The following UNC5D variants were observed in gnomAD, a reference collection of about 807,000 sequenced individuals.
UNC5D encodes unc-5 netrin receptor D.
UNC5D carries 39 observed loss-of-function variants against 105.4 expected under a neutral mutation model. That is an observed-to-expected ratio of 0.37 (90% CI 0.29 to 0.48). UNC5D has a LOEUF of 0.48. UNC5D is among the 20% of genes least tolerant of loss of function. UNC5D has a pLI of 0.98. For synonymous variants in UNC5D, 452 were observed against 450.4 expected (o/e 1.00, Z -0.04); for missense variants, 991 against 1,202.4 (o/e 0.82, Z 2.60).
intron 14 of UNC5D, among the ~76,000 whole-genome samples, chr8:35,760,061 A>G (rs1404974511): frequency 1.4e-5 from 2 of 146,192 alleles, no homozygotes; most frequent in Non-Finnish European, 3.0e-5. Flanking sequence ...TTTTTTTAAG[A>G]TGGAGTCTGT....
At chr8:35,719,539 G>A (rs904599602) in intron 8 of UNC5D, among the ~76,000 whole-genome samples, 3 of 152,110 alleles carry the variant, frequency 2.0e-5, no homozygotes, top group Admixed American at 6.5e-5. Context: ...TTGAGGACTC[G>A]TGTATACCTC....
intron 4 of UNC5D, among the ~76,000 whole-genome samples, chr8:35,645,694 A>G (rs947536877): frequency 4.3e-4 from 65 of 152,120 alleles, no homozygotes; most frequent in African/African-American, 1.4e-3. Flanking sequence ...GGCTGCTTTC[A>G]AGTAGATATA....
chr8:35,428,421 A>G (rs905199805), intron 1 of UNC5D, among the ~76,000 whole-genome samples: 5 of 146,612 alleles, frequency 3.4e-5, no homozygotes, highest in Non-Finnish European at 7.4e-5. Context: ...CCTGGGCTCA[A>G]GCGATCCTCC....
At chr8:35,313,836 CT>C (rs1307170049) in intron 1 of UNC5D, among the ~76,000 whole-genome samples, 1 of 152,138 alleles carries the variant, frequency 6.6e-6, no homozygotes, top group Admixed American at 6.5e-5. Flanking sequence ...GTTTATTTAC[CT>C]AATAAGCTTA....
At chr8:35,507,049 CTTTTTTTTTTTTTTT>C (rs71215631) in intron 1 of UNC5D, among the ~76,000 whole-genome samples, 1 of 76,192 alleles carries the variant, frequency 1.3e-5, no homozygotes, top group Non-Finnish European at 2.4e-5. Context: ...CAGGGCTTTT[CTTTTTTTTTTTTTTT>C]TTTTTTTTTG....
chr8:35,503,642 G>A (rs1260860242), intron 1 of UNC5D, among the ~76,000 whole-genome samples: 2 of 152,194 alleles, frequency 1.3e-5, no homozygotes, highest in Non-Finnish European at 2.9e-5. Context: ...CAAGAAGGAA[G>A]GAATGGAGGG....
At chr8:35,261,646 C>T (rs961325037) in intron 1 of UNC5D, among the ~76,000 whole-genome samples, 1 of 149,174 alleles carries the variant, frequency 6.7e-6, no homozygotes, top group Non-Finnish European at 1.5e-5. Flanking sequence ...GGGTGGGGGG[C>T]GTGTGTGTAT....
intron 16 of UNC5D, among the ~76,000 whole-genome samples, chr8:35,789,412 C>A (rs1299465662): frequency 6.7e-6 from 1 of 150,178 alleles, no homozygotes; most frequent in African/African-American, 2.4e-5. Flanking sequence ...ACATGGAGAG[C>A]AACGGAGAAG....
intron 1 of UNC5D, among the ~76,000 whole-genome samples, chr8:35,543,684 A>T (rs1248550752): frequency 6.6e-6 from 1 of 152,100 alleles, no homozygotes; most frequent in Admixed American, 6.6e-5. Flanking sequence ...TTTGGTGAGG[A>T]TGTCTAGTCA....
intron 4 of UNC5D, among the ~76,000 whole-genome samples, chr8:35,643,670 G>A (rs1822884845): frequency 6.6e-6 from 1 of 152,092 alleles, no homozygotes; most frequent in Non-Finnish European, 1.5e-5. Context: ...GTGAGCCACT[G>A]GCCTGGGCTG....
chr8:35,658,927 T>C (rs1823944618), intron 4 of UNC5D, among the ~76,000 whole-genome samples: 1 of 152,112 alleles, frequency 6.6e-6, no homozygotes, highest in African/African-American at 2.4e-5. Context: ...AGCGCTGGGA[T>C]TACAAGCGTG....
chr8:35,662,902 C>G (rs79589962), intron 4 of UNC5D, among the ~76,000 whole-genome samples: 1 of 152,118 alleles, frequency 6.6e-6, no homozygotes, highest in Non-Finnish European at 1.5e-5. Flanking sequence ...TCAGCCTCAA[C>G]GCTAGATTCT....
At chr8:35,462,933 T>C (rs1809005839) in intron 1 of UNC5D, among the ~76,000 whole-genome samples, 1 of 152,206 alleles carries the variant, frequency 6.6e-6, no homozygotes, top group African/African-American at 2.4e-5. Context: ...CTCGGGCACA[T>C]AGCTAAAAGT....
chr8:35,242,627 A>C (rs1474036575), intron 1 of UNC5D, among the ~76,000 whole-genome samples: 2 of 152,016 alleles, frequency 1.3e-5, no homozygotes, highest in African/African-American at 4.8e-5. Context: ...ACAGGCATGC[A>C]CCATTGTGCC....
chr8:35,418,458 T>G lies in UNC5D; in HGVS notation c.104-130834T>G, dbSNP rs111613938. ...TCCAAGTGCACATTAGTGATGATTT[T>G]ATAGCCCCTGTTGCAACCCCTCTTT... On this transcript the variant is annotated intron_variant, in intron 1 of 16. Transcript: ENST00000404895. Among the ~76,000 whole-genome samples, 14 of 152,334 alleles carry G rather than the reference T, an allele frequency of 9.2e-5. 1 individual carries two copies. The highest frequency in any genetic ancestry group is 3.4e-4 in the African/African-American group (14 of 41,578).
chr8:35,335,864 T>C (rs1027651885), intron 1 of UNC5D, among the ~76,000 whole-genome samples: 1 of 147,380 alleles, frequency 6.8e-6, no homozygotes, highest in African/African-American at 2.5e-5. Context: ...CCCGGGTTCA[T>C]GCCATTCTCC....
At chr8:35,715,794 G>GA (rs1183191680) in intron 8 of UNC5D, among the ~76,000 whole-genome samples, 2,066 of 146,600 alleles carry the variant, frequency 0.014, 33 homozygotes, top group African/African-American at 0.049. Context: ...TCAGGGAACA[G>GA]AAAAAAAAAA....
intron 1 of UNC5D, among the ~76,000 whole-genome samples, chr8:35,450,212 G>A (rs1222134135): frequency 2.0e-5 from 3 of 152,110 alleles, no homozygotes; most frequent in Non-Finnish European, 4.4e-5. Flanking sequence ...TCTGGGTGAG[G>A]AAATGCACAG....
At chr8:35,304,008 G>A (rs1808155743) in intron 1 of UNC5D, among the ~76,000 whole-genome samples, 1 of 152,054 alleles carries the variant, frequency 6.6e-6, no homozygotes. Context: ...CTATTAGACT[G>A]CATTTCTCAA....
Sources: gnomAD v4.1 joint callset for allele counts (sites outside exome capture counted in the v4.1 genomes callset) on GRCh38, gnomAD v4.1.1 for gene constraint, MANE v1.5 for transcripts, NCBI Gene and HGNC (gene_info 2026-07-23, HGNC 2026-07-21) for gene names.